Variants in THSD4 observed in about 807,000 individuals in gnomAD.
The protein encoded by THSD4 is thrombospondin type-1 domain-containing protein 4.
In THSD4, 69 loss-of-function variants were observed where a neutral mutation model predicts 119.0. The observed-to-expected ratio is 0.58, with a 90% CI of 0.48 to 0.71. The LOEUF (loss-of-function observed/expected upper bound fraction) is 0.71, where lower values mean the gene tolerates loss of function less well. Ranked by LOEUF, THSD4 falls within the 30% of genes least tolerant of loss-of-function variation. THSD4 has a pLI of 0.00. For synonymous variants in THSD4, 524 were observed against 540.4 expected (o/e 0.97, Z 0.42); for missense variants, 1,393 against 1,391.1 (o/e 1.00, Z -0.02).
rs372343777 is a variant in THSD4, at chr15:71,657,230, C to A, written c.1153-3300C>A. Among the ~76,000 whole-genome samples, 8 of 152,306 alleles carry A rather than the reference C, an allele frequency of 5.3e-5. No homozygotes were observed. The South Asian group carries it at 1.0e-3, about 20-fold the overall frequency. The stretch of plus-strand genomic sequence containing the variant: ...CTGATTCAGCTTGGGATTTTCCAGG[C>A]AGCCTTTTCAGTGTAGTCACTCAAC... On this transcript the variant is annotated intron_variant, in intron 7 of 17. Coordinates refer to ENST00000261862, the MANE Select transcript of THSD4 (RefSeq NM_024817.3).
intron 9 of THSD4, chr15:71,730,097 A>T (rs1208939601): frequency 6.6e-6 from 1 of 152,254 alleles, no homozygotes; most frequent in Admixed American, 6.5e-5. Context: ...AGGACCCACC[A>T]TGCAGGAGTG....
chr15:71,385,371 C>T (rs183835663), intron 6 of THSD4, among the ~76,000 whole-genome samples: 5 of 152,270 alleles, frequency 3.3e-5, no homozygotes, highest in African/African-American at 1.2e-4. Context: ...ACTTGTGACA[C>T]TAATCTCTTA....
intron 17 of THSD4, 39 bp from the exon 18 acceptor site, chr15:71,777,193 G>A (rs376641726): frequency 6.2e-7 from 1 of 1,613,818 alleles, no homozygotes; most frequent in Non-Finnish European, 8.5e-7. Flanking sequence ...GCTGCCTCTT[G>A]TGCTCAGGGA....
intron 1 of THSD4, among the ~76,000 whole-genome samples, chr15:71,120,418 TG>T (rs2040399438): frequency 1.3e-5 from 2 of 152,138 alleles, no homozygotes. Context: ...TTTCCGAAGC[TG>T]ATCACTGAGG....
chr15:71,162,830 CT>C, intron 3 of THSD4, among the ~76,000 whole-genome samples: 1 of 151,820 alleles, frequency 6.6e-6, no homozygotes, highest in East Asian at 1.9e-4. Flanking sequence ...ATTCTTATTT[CT>C]TTTTTTCCTT....
At chr15:71,300,418 T>G (rs2044932525) in intron 6 of THSD4, among the ~76,000 whole-genome samples, 2 of 152,178 alleles carry the variant, frequency 1.3e-5, no homozygotes. Context: ...TAGGTTTTCT[T>G]AACGTTCAGG....
chr15:71,164,650 A>G (rs2043275565), intron 3 of THSD4: 1 of 1,482,352 alleles, frequency 6.7e-7, no homozygotes, highest in Non-Finnish European at 9.0e-7. Context: ...GACACTGTAC[A>G]GTTTAAAAAC....
At chr15:71,667,074 G>T (rs916948036) in intron 8 of THSD4, among the ~76,000 whole-genome samples, 26 of 152,192 alleles carry the variant, frequency 1.7e-4, no homozygotes, top group African/African-American at 6.0e-4. Flanking sequence ...ATGAAACTCT[G>T]CAGACTTGAG....
intron 3 of THSD4, among the ~76,000 whole-genome samples, chr15:71,203,231 C>T (rs2043817546): frequency 6.6e-6 from 1 of 152,112 alleles, no homozygotes; most frequent in Non-Finnish European, 1.5e-5. Context: ...GAAAGGAAGG[C>T]TGAGGCCAGA....
At position 71,329,569 on chromosome 15, in the gene THSD4, G is replaced by A. The variant is rs554067277; in HGVS notation, c.1015+72854G>A. ...GTCTGTTGAGTGGAAAGGAGAGGAC[G>A]GAGTCGATGTTGTCCCCTGTGAGAT... is the stretch of plus-strand genomic sequence containing the variant. On this transcript the variant is annotated intron_variant, in intron 6 of 17. Coordinates refer to ENST00000261862, the MANE Select transcript of THSD4 (RefSeq NM_024817.3). Among the ~76,000 whole-genome samples the A allele has an allele frequency of 7.9e-5, 12 of 152,312 alleles. No homozygotes were observed. The East Asian group carries it at 1.4e-3, about 17-fold the overall frequency.
intron 17 of THSD4, among the ~76,000 whole-genome samples, chr15:71,775,952 A>G (rs1185624325): frequency 6.6e-6 from 1 of 152,212 alleles, no homozygotes; most frequent in Non-Finnish European, 1.5e-5. Flanking sequence ...AGCTGTGGGG[A>G]AAAGATGAAC....
chr15:71,722,080 G>C (rs2052734021), intron 8 of THSD4, among the ~76,000 whole-genome samples: 1 of 152,090 alleles, frequency 6.6e-6, no homozygotes, highest in Non-Finnish European at 1.5e-5. Context: ...GTTAAAGCTT[G>C]ACCTTCAGTG....
chr15:71,431,287 T>C (rs2046940190), intron 7 of THSD4, among the ~76,000 whole-genome samples: 1 of 152,154 alleles, frequency 6.6e-6, no homozygotes, highest in Admixed American at 6.5e-5. Context: ...GTTTTATGAG[T>C]CCAGCTTTTT....
chr15:71,208,538 G>A (rs2140244665), intron 3 of THSD4, among the ~76,000 whole-genome samples: 1 of 150,188 alleles, frequency 6.7e-6, no homozygotes, highest in African/African-American at 2.5e-5. Flanking sequence ...TTGAGATGGA[G>A]TCTTTCTCTG....
intron 8 of THSD4, among the ~76,000 whole-genome samples, chr15:71,695,536 C>T (rs1281538015): frequency 7.9e-6 from 1 of 126,140 alleles, no homozygotes; most frequent in African/African-American, 3.2e-5. Flanking sequence ...GTGTGTGTTA[C>T]AGCCCAGGGT....
intron 8 of THSD4, among the ~76,000 whole-genome samples, chr15:71,719,739 G>A (rs559846535): frequency 2.0e-5 from 3 of 152,136 alleles, no homozygotes; most frequent in African/African-American, 2.4e-5. Context: ...ACGGTGGCAC[G>A]ATCTCAGCTC....
At chr15:71,186,983 G>A (rs573721633) in intron 3 of THSD4, 27 of 152,192 alleles carry the variant, frequency 1.8e-4, no homozygotes, top group Non-Finnish European at 2.9e-4. Context: ...TTTGCAGTGG[G>A]TGGGTACAAA....
At chr15:71,591,315 C>T (rs146430719) in intron 7 of THSD4, among the ~76,000 whole-genome samples, 66 of 152,294 alleles carry the variant, frequency 4.3e-4, no homozygotes, top group Non-Finnish European at 7.6e-4. Context: ...TTCAAGGCTG[C>T]CCTGTTGTGC....
At chr15:71,558,449 G>C (rs1366596409) in intron 7 of THSD4, among the ~76,000 whole-genome samples, 1 of 152,072 alleles carries the variant, frequency 6.6e-6, no homozygotes, top group South Asian at 2.1e-4. Context: ...CTTAAGTTTT[G>C]ATATACAGTA....
Sources: gnomAD v4.1 joint callset for allele counts (sites outside exome capture counted in the v4.1 genomes callset) on GRCh38, gnomAD v4.1.1 for gene constraint, MANE v1.5 for transcripts, NCBI Gene and HGNC (gene_info 2026-07-23, HGNC 2026-07-21) for gene names.